The following SLC22A2 variants were observed in gnomAD, a reference collection of about 807,000 sequenced individuals.
SLC22A2 encodes solute carrier family 22 member 2.
In SLC22A2, 46 loss-of-function variants were observed where a neutral mutation model predicts 60.5. That is an observed-to-expected ratio of 0.76 (90% CI 0.60 to 0.97). SLC22A2 has a LOEUF of 0.97. Ranked by LOEUF, SLC22A2 falls within the 50% of genes least tolerant of loss-of-function variation. The pLI is 0.00. For missense variants in SLC22A2, 701 were observed against 706.6 expected (o/e 0.99, Z 0.09); for synonymous variants, 303 against 267.0 (o/e 1.13, Z -1.31).
chr6:160,217,548 C>T (rs1040243536), intron 10 of SLC22A2, 50 bp from the exon 11 acceptor site: 2 of 977,420 alleles, frequency 2.0e-6, no homozygotes, highest in Non-Finnish European at 3.2e-6. Context: ...TATGAGGAGG[C>T]TGAAAACCAA....
intron 1 of SLC22A2, 119 bp from the exon 2 acceptor site, chr6:160,256,836 T>G: frequency 1.5e-6 from 1 of 670,868 alleles, no homozygotes; most frequent in Non-Finnish European, 2.7e-6. Context: ...TTGAACTGTA[T>G]AGTTAAGTGG....
chr6:160,243,452 C>T (rs564641141), intron 7 of SLC22A2, 120 bp downstream of exon 7: 1 of 809,160 alleles, frequency 1.2e-6, no homozygotes, highest in Non-Finnish European at 2.1e-6. Flanking sequence ...ATACTGCCCT[C>T]CAATTTGTCT....
At chr6:160,253,255 T>C (rs997599855) in intron 2 of SLC22A2, among the ~76,000 whole-genome samples, 14 of 152,260 alleles carry the variant, frequency 9.2e-5, no homozygotes, top group Non-Finnish European at 1.6e-4. Flanking sequence ...TTTTTAATTA[T>C]ATGCAAATTA....
intron 1 of SLC22A2, 88 bp from the exon 2 acceptor site, chr6:160,256,805 A>C (rs1441384727): frequency 2.3e-6 from 2 of 858,350 alleles, no homozygotes; most frequent in Non-Finnish European, 4.0e-6. Flanking sequence ...CAGCTAGGGT[A>C]CTCATTAAAT....
At chr6:160,234,232 C>T (rs1016158514) in intron 9 of SLC22A2, among the ~76,000 whole-genome samples, 13 of 152,166 alleles carry the variant, frequency 8.5e-5, no homozygotes, top group African/African-American at 2.4e-4. Context: ...ACTCTCTTTT[C>T]GGACTCAGCC....
rs1171777161 is a variant in SLC22A2 at position 160,258,497 on chromosome 6, T to C, written c.261A>G (p.Arg87=). Residue 87 remains arginine (R), a synonymous_variant, in exon 1 of 11, where the codon AGA becomes AGG. Coordinates refer to ENST00000366953, the MANE Select transcript of SLC22A2 (RefSeq NM_003058.4). ...GPGPAGEASP[R]QCRRYEVDWN... ...AGTCCACCTCGTAGCGCCTACACTG[T>C]CTTGGGGAGGCTTCGCCCGCAGGTC... 1 of 1,613,978 alleles carries C rather than the reference T, an allele frequency of 6.2e-7. No homozygotes were observed. Among genetic ancestry groups the C allele is most frequent in the Non-Finnish European group, 8.5e-7 (1 of 1,180,000 alleles).
chr6:160,258,268 G>T, intron 1 of SLC22A2, 76 bp downstream of exon 1: 2 of 1,486,390 alleles, frequency 1.3e-6, no homozygotes, highest in Non-Finnish European at 1.8e-6. Context: ...ATAAGAGCCG[G>T]GCCTTCCCTG....
At chr6:160,257,248 C>T (rs1327577127) in intron 1 of SLC22A2, among the ~76,000 whole-genome samples, 1 of 152,122 alleles carries the variant, frequency 6.6e-6, no homozygotes. Context: ...ATGCAGGCAC[C>T]AGGAGGTTGG....
At chr6:160,238,078 A>G (rs2114860512) in intron 9 of SLC22A2, among the ~76,000 whole-genome samples, 1 of 152,360 alleles carries the variant, frequency 6.6e-6, no homozygotes, top group East Asian at 1.9e-4. Flanking sequence ...TGCCCTGCCT[A>G]TGGAGCAGCC....
At chr6:160,225,340 CACTT>C (rs572629254) in intron 9 of SLC22A2, among the ~76,000 whole-genome samples, 4 of 152,190 alleles carry the variant, frequency 2.6e-5, no homozygotes, top group South Asian at 2.1e-4. Flanking sequence ...TAATAATAAA[CACTT>C]ACATGTTTTT....
Position 160,217,342 on chromosome 6 carries a change from T to C in SLC22A2, c.*90A>G, listed in dbSNP as rs1288228169. On this transcript the variant is annotated 3_prime_UTR_variant, in exon 11 of 11. Transcript: ENST00000366953. ...GGCTCAGGGGTAAGTTTGGTTGAGT[T>C]GTATGGGCTTTGTGATGAGTGCAGG... 1.3e-6 allele frequency: 1 copy of C among 781,498 alleles called. No homozygotes were observed. Among genetic ancestry groups the C allele is most frequent in the Admixed American group, 2.4e-5 (1 of 41,026 alleles). 48.4% of individuals were successfully genotyped at this position (781,498 alleles called of 1,614,324 possible).
rs1783107174 is a variant in SLC22A2, at chr6:160,247,126, C to T, written c.957+58G>A. The T allele has an allele frequency of 6.8e-6, 7 of 1,026,878 alleles. No individual in the cohort carries two copies. The South Asian group carries it at 9.2e-5, about 14-fold the overall frequency. 63.6% of individuals were successfully genotyped at this position (1,026,878 alleles called of 1,614,324 possible). A position where few individuals can be genotyped will look rare whatever the true frequency, so the allele number is the denominator to read the frequency against. On this transcript the variant is annotated intron_variant, in intron 5 of 10. Coordinates refer to ENST00000366953, the MANE Select transcript of SLC22A2 (RefSeq NM_003058.4). ...GCTGAGATCACTGGCATGCATGAATCTTACCAGAGCCTCCCTTTTCTCCAT... is the reference window on the plus strand; with the variant it reads ...GCTGAGATCACTGGCATGCATGAATTTTACCAGAGCCTCCCTTTTCTCCAT...
intron 9 of SLC22A2, among the ~76,000 whole-genome samples, chr6:160,233,697 A>G (rs555043606): frequency 3.3e-4 from 50 of 151,950 alleles, no homozygotes; most frequent in African/African-American, 1.2e-3. Context: ...GGCCATCACC[A>G]ATCATTCTAT....
At chr6:160,242,163 C>T (rs1029906116) in intron 8 of SLC22A2, 131 bp downstream of exon 8, 4 of 684,450 alleles carry the variant, frequency 5.8e-6, no homozygotes, top group Non-Finnish European at 1.1e-5. Flanking sequence ...CCTGGCTGGA[C>T]CTTTACGTGT....
Position 160,250,601 on chromosome 6 carries a change from C to T in SLC22A2, c.620G>A (p.Arg207His), listed in dbSNP as rs372563664. ...TTTGCTGACCAGTCCTTGGATTAAG[C>T]GAAAAATTAACATCCACGTATAGGT... is the stretch of plus-strand genomic sequence containing the variant. The part of the protein sequence containing the change: ...SPTYTWMLIF[R>H]LIQGLVSKAG... The change falls in exon 3 of 11, where the codon CGC becomes CAC. Residue 207 changes from arginine (R) to histidine (H), a missense_variant. Transcript: ENST00000366953. 5.1e-5 allele frequency: 83 copies of T among 1,613,816 alleles called. No individual in the cohort carries two copies. The highest frequency in any genetic ancestry group is 5.0e-5 in the Admixed American group (3 of 59,968).
intron 2 of SLC22A2, 93 bp downstream of exon 2, chr6:160,256,521 G>A (rs935101079): frequency 1.2e-6 from 1 of 819,232 alleles, no homozygotes; most frequent in Non-Finnish European, 2.1e-6. Flanking sequence ...TGTGTGCTTG[G>A]GAAAGGATGG....
intron 9 of SLC22A2, 96 bp from the exon 10 acceptor site, chr6:160,224,900 C>A: frequency 1.8e-6 from 1 of 549,588 alleles, no homozygotes. Flanking sequence ...TTTTTTTTAG[C>A]ATTTTTCTAT....
chr6:160,236,328 A>T (rs1342755017), intron 9 of SLC22A2, among the ~76,000 whole-genome samples: 1 of 152,168 alleles, frequency 6.6e-6, no homozygotes, highest in Non-Finnish European at 1.5e-5. Context: ...TTCTTTTTTA[A>T]TTTTTTGCTT....
intron 5 of SLC22A2, among the ~76,000 whole-genome samples, chr6:160,246,545 G>A (rs1229489779): frequency 2.6e-5 from 4 of 152,158 alleles, no homozygotes; most frequent in African/African-American, 7.2e-5. Context: ...TCAGGAGTTC[G>A]AGATCAGCCT....
Sources: gnomAD v4.1 joint callset for allele counts (sites outside exome capture counted in the v4.1 genomes callset) on GRCh38, gnomAD v4.1.1 for gene constraint, MANE v1.5 for transcripts, NCBI Gene and HGNC (gene_info 2026-07-23, HGNC 2026-07-21) for gene names.